The following RBMS1 variants were observed in gnomAD, a reference collection of about 807,000 sequenced individuals.
The protein encoded by RBMS1 is RNA-binding motif, single-stranded-interacting protein 1.
Under a neutral mutation model 62.3 loss-of-function variants are expected in RBMS1, and 17 were observed. That is an observed-to-expected ratio of 0.27 (90% CI 0.19 to 0.41). RBMS1 has a LOEUF of 0.41. Ranked by LOEUF, RBMS1 falls within the 10% of genes least tolerant of loss-of-function variation. The pLI is 1.00. For missense variants in RBMS1, 334 were observed against 504.5 expected, an observed-to-expected ratio of 0.66 and a Z score of 3.24; for synonymous variants, 172 against 170.0, an observed-to-expected ratio of 1.01 and a Z score of -0.09.
chr2:160,464,386 G>A (rs1211812043), intron 1 of RBMS1, among the ~76,000 whole-genome samples: 1 of 152,198 alleles, frequency 6.6e-6, no homozygotes, highest in African/African-American at 2.4e-5. Context: ...TACATAGATT[G>A]TGACATCATA....
intron 5 of RBMS1, chr2:160,302,371 T>G (rs1475342135): frequency 6.6e-6 from 1 of 151,864 alleles, no homozygotes; most frequent in Non-Finnish European, 1.5e-5. Context: ...ATTTTTAAAC[T>G]TTTTGTAGAG....
intron 2 of RBMS1, among the ~76,000 whole-genome samples, chr2:160,357,635 T>C (rs1456264674): frequency 1.3e-5 from 2 of 152,132 alleles, no homozygotes; most frequent in Non-Finnish European, 2.9e-5. Context: ...ACATTTGAAT[T>C]GTGGATACTC....
At chr2:160,356,933 T>C (rs1290954485) in intron 2 of RBMS1, among the ~76,000 whole-genome samples, 2 of 152,132 alleles carry the variant, frequency 1.3e-5, no homozygotes, top group Admixed American at 6.6e-5. Context: ...TGTTTACACA[T>C]TACACAGAAT....
intron 1 of RBMS1, among the ~76,000 whole-genome samples, chr2:160,423,552 T>C (rs1480102290): frequency 6.6e-6 from 1 of 152,208 alleles, no homozygotes; most frequent in Non-Finnish European, 1.5e-5. Flanking sequence ...CAACATGATG[T>C]AGTTTTATGA....
chr2:160,323,680 GGTTA>G (rs1175967775), intron 2 of RBMS1, among the ~76,000 whole-genome samples: 1 of 151,104 alleles, frequency 6.6e-6, no homozygotes, highest in Non-Finnish European at 1.5e-5. Flanking sequence ...AAAGTAACTG[GGTTA>G]GACCACAGCC....
At chr2:160,353,261 A>G (rs189741317) in intron 2 of RBMS1, among the ~76,000 whole-genome samples, 217 of 152,172 alleles carry the variant, frequency 1.4e-3, no homozygotes, top group African/African-American at 5.0e-3. Flanking sequence ...ATTTTTTTAA[A>G]ACTACACTTG....
intron 5 of RBMS1, among the ~76,000 whole-genome samples, chr2:160,301,951 T>C (rs1689230883): frequency 6.6e-6 from 1 of 152,252 alleles, no homozygotes; most frequent in Non-Finnish European, 1.5e-5. Flanking sequence ...GTCATTACTT[T>C]AAAATATATA....
chr2:160,324,799 G>T (rs920175833), intron 2 of RBMS1, among the ~76,000 whole-genome samples: 5 of 149,402 alleles, frequency 3.3e-5, no homozygotes, highest in African/African-American at 1.2e-4. Context: ...TAATTCAGGG[G>T]AATAATAAAA....
At chr2:160,313,276 A>C in intron 3 of RBMS1, 29 bp from the exon 4 acceptor site, 1 of 1,601,222 alleles carries the variant, frequency 6.2e-7, no homozygotes, top group Non-Finnish European at 8.5e-7. Flanking sequence ...CTTAGTATTT[A>C]AGCCATTATT....
chr2:160,424,488 A>G (rs1418577835), intron 1 of RBMS1, among the ~76,000 whole-genome samples: 1 of 152,162 alleles, frequency 6.6e-6, no homozygotes. Context: ...CTCATGAGTG[A>G]AAATACTCTC....
intron 4 of RBMS1, 114 bp downstream of exon 4, chr2:160,313,042 G>A (rs1690016509): frequency 5.4e-6 from 5 of 926,888 alleles, no homozygotes; most frequent in Admixed American, 4.6e-5. Flanking sequence ...TCCAGAAGGC[G>A]CTGTGCTGAG....
At chr2:160,427,065 T>C (rs563105296) in intron 1 of RBMS1, among the ~76,000 whole-genome samples, 19 of 152,320 alleles carry the variant, frequency 1.2e-4, no homozygotes, top group African/African-American at 4.6e-4. Flanking sequence ...CTAATCAATT[T>C]GATAGCCTAT....
At chr2:160,304,499 T>TGAGCTGCATAA (rs1689389912) in intron 4 of RBMS1, among the ~76,000 whole-genome samples, 1 of 152,224 alleles carries the variant, frequency 6.6e-6, no homozygotes, top group Non-Finnish European at 1.5e-5. Flanking sequence ...ATTACGCACA[T>TGAGCTGCATAA]GAGCTGCATA....
chr2:160,419,709 C>A (rs1344199910), intron 1 of RBMS1, among the ~76,000 whole-genome samples: 1 of 152,180 alleles, frequency 6.6e-6, no homozygotes, highest in Non-Finnish European at 1.5e-5. Flanking sequence ...GGTGCTACAG[C>A]ACCTAGGAAG....
At chr2:160,453,092 G>GATGATGGTT (rs1201585936) in intron 1 of RBMS1, among the ~76,000 whole-genome samples, 2 of 79,328 alleles carry the variant, frequency 2.5e-5, no homozygotes, top group East Asian at 8.7e-4. Flanking sequence ...CTACTGTTAT[G>GATGATGGTT]ATGATGATGA....
chr2:160,276,301 G>C (rs1342259513), intron 12 of RBMS1, among the ~76,000 whole-genome samples: 2 of 151,956 alleles, frequency 1.3e-5, no homozygotes, highest in Non-Finnish European at 2.9e-5. Context: ...TGGTAACTGT[G>C]GTTGTCAGTA....
At chr2:160,292,911 C>T (rs1688753890) in intron 6 of RBMS1, among the ~76,000 whole-genome samples, 1 of 152,230 alleles carries the variant, frequency 6.6e-6, no homozygotes. Flanking sequence ...TCTGGATCTG[C>T]AAGACCGCCC....
intron 1 of RBMS1, among the ~76,000 whole-genome samples, chr2:160,449,254 G>A (rs1471903867): frequency 6.8e-6 from 1 of 148,024 alleles, no homozygotes; most frequent in East Asian, 2.1e-4. Flanking sequence ...GAGGTGGGGG[G>A]CGCCTCTGCC....
Position 160,493,527 on chromosome 2 carries a change from C to CTCCTCCTCCTCT in RBMS1, c.-165_-164insAGAGGAGGAGGA. 2 of 629,898 alleles carry CTCCTCCTCCTCT rather than the reference C, an allele frequency of 3.2e-6. No individual in the cohort carries two copies. 39.0% of individuals were successfully genotyped at this position (629,898 alleles called of 1,614,324 possible). On this transcript the variant is annotated 5_prime_UTR_variant, in exon 1 of 14. Transcript: ENST00000348849. ...CTCCCAGCCGGGACCAGACGTCCTC[C>CTCCTCCTCCTCT]TCCTCCTCCTCCTCTTCCTCCTCCT...
Sources: gnomAD v4.1 joint callset for allele counts (sites outside exome capture counted in the v4.1 genomes callset) on GRCh38, gnomAD v4.1.1 for gene constraint, MANE v1.5 for transcripts, NCBI Gene and HGNC (gene_info 2026-07-23, HGNC 2026-07-21) for gene names.